Variants in SNX29 observed in about 807,000 individuals in gnomAD.
SNX29 encodes sorting nexin-29.
A neutral mutation model predicts 102.1 loss-of-function variants in SNX29; 78 were observed. The ratio of observed to expected loss-of-function variants is 0.76; its 90% CI spans 0.64 to 0.92. The LOEUF is 0.92. Among genes scored for constraint, SNX29 ranks in the 40% least tolerant of loss-of-function variants. The pLI is 0.00. For missense variants in SNX29, 1,280 were observed against 1,061.7 expected (o/e 1.21, Z -2.86); for synonymous variants, 580 against 414.5 (o/e 1.40, Z -4.85).
At position 12,390,178 on chromosome 16, in the gene SNX29, GTGTA is replaced by G. The variant is rs879460087; in HGVS notation, c.1900-8262_1900-8259del. On this transcript the variant is annotated intron_variant, in intron 16 of 20. Coordinates refer to ENST00000566228, the MANE Select transcript of SNX29 (RefSeq NM_032167.5). ...TGTGTGTGTGTGTGTGTGTGTGTGT[GTGTA>G]TGTATATGTATATGTGTGCACGCAC... 5.2e-3 allele frequency among the ~76,000 whole-genome samples: 784 copies of G among 149,556 alleles called. 19 individuals are homozygous for G. The highest frequency in any genetic ancestry group is 0.048 in the East Asian group (246 of 5,110).
intron 15 of SNX29, among the ~76,000 whole-genome samples, chr16:12,326,787 G>A (rs1044037794): frequency 6.6e-6 from 1 of 152,216 alleles, no homozygotes; most frequent in Non-Finnish European, 1.5e-5. Context: ...TGTGGTGCAG[G>A]TGGCACTGAG....
intron 19 of SNX29, among the ~76,000 whole-genome samples, chr16:12,520,521 G>T (rs1047509006): frequency 2.0e-5 from 3 of 152,174 alleles, no homozygotes; most frequent in African/African-American, 7.2e-5. Context: ...ACACAGGGCA[G>T]GGAAATCTCT....
chr16:12,194,283 A>G (rs905076392), intron 13 of SNX29, among the ~76,000 whole-genome samples: 3 of 152,134 alleles, frequency 2.0e-5, no homozygotes, highest in African/African-American at 7.2e-5. Flanking sequence ...TTGCCTTCTC[A>G]TTGTTCATTG....
At chr16:12,485,113 C>T (rs2088162452) in intron 19 of SNX29, among the ~76,000 whole-genome samples, 1 of 152,234 alleles carries the variant, frequency 6.6e-6, no homozygotes, top group Admixed American at 6.5e-5. Context: ...AGTACATAAA[C>T]TTTCAAGGTG....
intron 13 of SNX29, among the ~76,000 whole-genome samples, chr16:12,155,577 C>A (rs1419649628): frequency 6.6e-6 from 1 of 152,198 alleles, no homozygotes; most frequent in Non-Finnish European, 1.5e-5. Flanking sequence ...CCAACTATAA[C>A]TGGGGACCAA....
At chr16:12,461,976 AAAATATATATATATATATATATATAT>A (rs2086803716) in intron 18 of SNX29, among the ~76,000 whole-genome samples, 1 of 43,482 alleles carries the variant, frequency 2.3e-5, no homozygotes, top group Non-Finnish European at 3.6e-5. Flanking sequence ...AAAAAAAAAA[AAAATATATATATATATATATATATAT>A]ATATATATAT....
At chr16:12,283,696 C>T (rs941108363) in intron 15 of SNX29, among the ~76,000 whole-genome samples, 5 of 152,174 alleles carry the variant, frequency 3.3e-5, no homozygotes, top group African/African-American at 1.2e-4. Flanking sequence ...TCCTAAGTTA[C>T]AAAAATGAAT....
chr16:12,056,900 A>G (rs951633951), intron 8 of SNX29, among the ~76,000 whole-genome samples: 1 of 151,630 alleles, frequency 6.6e-6, no homozygotes, highest in African/African-American at 2.4e-5. Flanking sequence ...CACACCCTCA[A>G]CTCAGGGAAC....
At chr16:12,199,762 C>T (rs2076867967) in intron 14 of SNX29, 79 bp downstream of exon 14, 3 of 1,162,554 alleles carry the variant, frequency 2.6e-6, no homozygotes, top group Admixed American at 4.1e-5. Flanking sequence ...AATAGACACT[C>T]AATGTGTGAC....
intron 20 of SNX29, among the ~76,000 whole-genome samples, chr16:12,564,794 G>T (rs2078923201): frequency 6.6e-6 from 1 of 151,834 alleles, no homozygotes; most frequent in African/African-American, 2.4e-5. Flanking sequence ...GCTAAGAAAT[G>T]GTGTTGTCAT....
chr16:12,225,296 C>T (rs1285283171), intron 14 of SNX29, among the ~76,000 whole-genome samples: 4 of 152,130 alleles, frequency 2.6e-5, no homozygotes, highest in African/African-American at 7.2e-5. Flanking sequence ...AACGGCTTGG[C>T]TGTGTCCCCA....
intron 13 of SNX29, among the ~76,000 whole-genome samples, chr16:12,159,247 C>G (rs1490274810): frequency 1.3e-5 from 2 of 152,208 alleles, no homozygotes; most frequent in African/African-American, 4.8e-5. Context: ...CAGGGATAGC[C>G]TGTGGAGCAT....
At chr16:12,044,640 G>A (rs766988439) in intron 5 of SNX29, among the ~76,000 whole-genome samples, 12 of 152,154 alleles carry the variant, frequency 7.9e-5, no homozygotes, top group South Asian at 2.1e-4. Context: ...GTGTAGTGGC[G>A]CGACCTTGGC....
At position 12,072,767 on chromosome 16, in the gene SNX29, C is replaced by T. The variant is rs558476943; in HGVS notation, c.1319+3635C>T. ...GGTACCAGTTCCTCCTTGTACCTGT[C>T]GTAGAATTCGGCTGTGAATCCATCT... On this transcript the variant is annotated intron_variant, in intron 10 of 20. Transcript: ENST00000566228. 5.3e-5 allele frequency among the ~76,000 whole-genome samples: 8 copies of T among 151,054 alleles called. No individual in the cohort carries two copies. The East Asian group carries it at 1.3e-3, about 25-fold the overall frequency.
intron 15 of SNX29, among the ~76,000 whole-genome samples, chr16:12,315,068 GCTTGTA>G (rs1305731769): frequency 1.3e-5 from 2 of 152,160 alleles, no homozygotes; most frequent in African/African-American, 4.8e-5. Context: ...GACTTCATGG[GCTTGTA>G]CCTTTTAATC....
intron 18 of SNX29, among the ~76,000 whole-genome samples, chr16:12,465,832 GTT>G (rs2087024263): frequency 7.4e-6 from 1 of 135,810 alleles, no homozygotes; most frequent in South Asian, 2.3e-4. Context: ...TCTTCCATTT[GTT>G]TGTGTTTTTT....
intron 20 of SNX29, among the ~76,000 whole-genome samples, chr16:12,546,037 A>C (rs934445993): frequency 1.1e-4 from 16 of 152,330 alleles, no homozygotes; most frequent in African/African-American, 3.9e-4. Context: ...CACACCCTTG[A>C]GTACACATGA....
chr16:12,166,993 G>T (rs1005464405), intron 13 of SNX29, among the ~76,000 whole-genome samples: 1 of 152,202 alleles, frequency 6.6e-6, no homozygotes, highest in Non-Finnish European at 1.5e-5. Context: ...GTTAAGGAAG[G>T]TGGTAAACTG....
At chr16:12,400,433 A>T (rs1469921262) in intron 17 of SNX29, among the ~76,000 whole-genome samples, 1 of 152,208 alleles carries the variant, frequency 6.6e-6, no homozygotes, top group African/African-American at 2.4e-5. Context: ...CTCCTCACGG[A>T]TGATGAAATT....
Sources: gnomAD v4.1 joint callset for allele counts (sites outside exome capture counted in the v4.1 genomes callset) on GRCh38, gnomAD v4.1.1 for gene constraint, MANE v1.5 for transcripts, NCBI Gene and HGNC (gene_info 2026-07-23, HGNC 2026-07-21) for gene names.